The following ADGRL3 variants were observed in gnomAD, a reference collection of about 807,000 sequenced individuals.
ADGRL3 encodes the protein calcium-independent alpha-latrotoxin receptor 3.
In ADGRL3, 62 loss-of-function variants were observed where a neutral mutation model predicts 153.5. That is an observed-to-expected ratio of 0.40 (90% CI 0.33 to 0.50). The LOEUF (loss-of-function observed/expected upper bound fraction) is 0.50, where lower values mean the gene tolerates loss of function less well. Ranked by LOEUF, ADGRL3 falls within the 20% of genes least tolerant of loss-of-function variation. The pLI is 0.47. For synonymous variants in ADGRL3, 710 were observed against 672.5 expected (o/e 1.06, Z -0.86); for missense variants, 1,641 against 1,859.4 (o/e 0.88, Z 2.16).
At chr4:61,256,124 A>C (rs1392966383) in intron 1 of ADGRL3, among the ~76,000 whole-genome samples, 3 of 152,190 alleles carry the variant, frequency 2.0e-5, no homozygotes, top group Non-Finnish European at 4.4e-5. Context: ...TCATTTCTCA[A>C]AACACATTTT....
intron 23 of ADGRL3, 106 bp from the exon 24 acceptor site, chr4:62,037,625 A>G: frequency 8.4e-7 from 1 of 1,184,156 alleles, no homozygotes; most frequent in Admixed American, 1.8e-5. Context: ...CTGTAGGGCA[A>G]GGAAATAATT....
intron 4 of ADGRL3, among the ~76,000 whole-genome samples, chr4:61,546,199 G>A (rs753370449): frequency 5.7e-4 from 86 of 152,088 alleles, no homozygotes; most frequent in South Asian, 1.2e-3. Context: ...ACTCTCTGAC[G>A]GCTTAACTTT....
chr4:61,781,862 T>G (rs1290186167), intron 8 of ADGRL3, among the ~76,000 whole-genome samples: 1 of 152,228 alleles, frequency 6.6e-6, no homozygotes, highest in Non-Finnish European at 1.5e-5. Flanking sequence ...CTAAGTATAC[T>G]GTCTCTGAGA....
intron 1 of ADGRL3, among the ~76,000 whole-genome samples, chr4:61,308,674 G>A (rs1475777987): frequency 6.6e-6 from 1 of 152,104 alleles, no homozygotes; most frequent in Non-Finnish European, 1.5e-5. Flanking sequence ...TAAAAATGGA[G>A]GCTGTTGAAA....
intron 6 of ADGRL3, among the ~76,000 whole-genome samples, chr4:61,694,176 A>ATTTTT (rs2095592928): frequency 3.2e-5 from 3 of 94,702 alleles, no homozygotes; most frequent in African/African-American, 3.7e-5. Context: ...AAATTTTGTC[A>ATTTTT]TTATTTTTTT....
intron 1 of ADGRL3, among the ~76,000 whole-genome samples, chr4:61,360,069 T>C (rs951275372): frequency 6.6e-6 from 1 of 152,178 alleles, no homozygotes; most frequent in Non-Finnish European, 1.5e-5. Flanking sequence ...GCTACACTCC[T>C]ATTAGTGGAG....
intron 13 of ADGRL3, among the ~76,000 whole-genome samples, chr4:61,916,907 C>T (rs1220684272): frequency 2.0e-5 from 3 of 151,712 alleles, no homozygotes; most frequent in East Asian, 1.9e-4. Flanking sequence ...GAGCTGAGAT[C>T]GCACCACTGC....
Position 61,746,993 on chromosome 4 carries a change from C to A in ADGRL3, c.1399+13439C>A, listed in dbSNP as rs115702848. ...AATAAAGAAGAAAAGAGAGAATGAT[C>A]AAATAGATGCAATAAAAAATGATAA... On this transcript the variant is annotated intron_variant, in intron 8 of 26. Transcript: ENST00000683033. Among the ~76,000 whole-genome samples, 1,436 of 152,018 alleles carry A rather than the reference C, an allele frequency of 9.4e-3. 31 individuals are homozygous for A. Among genetic ancestry groups the A allele is most frequent in the African/African-American group, 0.033 (1,360 of 41,484 alleles).
At chr4:61,765,325 A>T (rs1400195552) in intron 8 of ADGRL3, among the ~76,000 whole-genome samples, 1 of 152,140 alleles carries the variant, frequency 6.6e-6, no homozygotes, top group Non-Finnish European at 1.5e-5. Context: ...AGCCTAATAA[A>T]AAGGAGCGTC....
At position 61,392,684 on chromosome 4, in the gene ADGRL3, C is replaced by CAAAAAAAAAAAAAAAA. The variant is rs397993633; in HGVS notation, c.-174+9502_-174+9517dup. Among the ~76,000 whole-genome samples, 86 of 13,330 alleles carry CAAAAAAAAAAAAAAAA rather than the reference C, an allele frequency of 6.5e-3. 8 individuals carry two copies. Among genetic ancestry groups the CAAAAAAAAAAAAAAAA allele is most frequent in the East Asian group, 7.5e-3 (3 of 400 alleles). 8.7% of individuals were successfully genotyped at this position (13,330 alleles called of 152,430 possible). A position where few individuals can be genotyped will look rare whatever the true frequency, so the allele number is the denominator to read the frequency against. ...CTGGTGACAGAGCGAGACTCCATCTCAAAAAAAAAAAAAAAAAAAAAAGAA... is the reference window on the plus strand; with the variant it reads ...CTGGTGACAGAGCGAGACTCCATCTCAAAAAAAAAAAAAAAAAAAAAAAAAAAAAAAAAAAAAAGAA... On this transcript the variant is annotated intron_variant, in intron 2 of 26. Transcript: ENST00000683033.
intron 1 of ADGRL3, among the ~76,000 whole-genome samples, chr4:61,297,018 T>A (rs1053104210): frequency 6.6e-6 from 1 of 152,088 alleles, no homozygotes; most frequent in East Asian, 1.9e-4. Flanking sequence ...CTTCCCCTAC[T>A]CCAAAGATAC....
chr4:61,966,573 G>GGTGTGTGTGTGTGTGTGT (rs5858746), intron 17 of ADGRL3, among the ~76,000 whole-genome samples: 1 of 145,936 alleles, frequency 6.9e-6, no homozygotes, highest in African/African-American at 2.5e-5. Context: ...TTTCAAAAGG[G>GGTGTGTGTGTGTGTGTGT]GTGTGTGTGT....
At position 61,202,763 on chromosome 4, in the gene ADGRL3, C is replaced by CGT. The variant is rs1394200511; in HGVS notation, c.-240+1008_-240+1009dup. 2.0e-5 allele frequency among the ~76,000 whole-genome samples: 3 copies of CGT among 151,980 alleles called. No homozygotes were observed. Among genetic ancestry groups the CGT allele is most frequent in the South Asian group, 2.1e-4 (1 of 4,816 alleles). On this transcript the variant is annotated intron_variant, in intron 1 of 26. Coordinates refer to ENST00000683033, the MANE Select transcript of ADGRL3 (RefSeq NM_001387552.1). This position sits in a 1 kb window ranked among gnomAD's most constrained non-coding sequence, Gnocchi z 5.0. Reference sequence around the variant, plus strand: ...ATAGGTGGGTGTGTGTGTGTCTGTGCGTGTGTGTGTGGTGTGTAGGGGTGG... The same window carrying CGT: ...ATAGGTGGGTGTGTGTGTGTCTGTGCGTGTGTGTGTGTGGTGTGTAGGGGTGG...
At position 61,200,897 on chromosome 4, in the gene ADGRL3, G is replaced by C. The variant is rs1019691252; in HGVS notation, c.-1108G>C. ...CATCCACCCCACGGGCTCGGGGTTC[G>C]CCGGCCCCCGGGACGCAGCCCTCGG... is the stretch of plus-strand genomic sequence containing the variant. On this transcript the variant is annotated 5_prime_UTR_variant, in exon 1 of 27. Transcript: ENST00000683033. Among the ~76,000 whole-genome samples the C allele has an allele frequency of 6.6e-6, 1 of 151,688 alleles. No homozygotes were observed. Among genetic ancestry groups the C allele is most frequent in the Non-Finnish European group, 1.5e-5 (1 of 67,904 alleles).
intron 1 of ADGRL3, among the ~76,000 whole-genome samples, chr4:61,243,380 C>G (rs1755747722): frequency 6.6e-6 from 1 of 152,014 alleles, no homozygotes; most frequent in South Asian, 2.1e-4. Flanking sequence ...TGAAATTTTA[C>G]ACTTTCTTTT....
At chr4:61,888,989 C>A (rs1451545228) in intron 9 of ADGRL3, among the ~76,000 whole-genome samples, 1 of 152,134 alleles carries the variant, frequency 6.6e-6, no homozygotes, top group East Asian at 1.9e-4. Context: ...ACACTCTTAA[C>A]CACCCCATTT....
intron 1 of ADGRL3, among the ~76,000 whole-genome samples, chr4:61,276,714 G>A (rs1439061502): frequency 6.6e-6 from 1 of 151,846 alleles, no homozygotes; most frequent in Non-Finnish European, 1.5e-5. Context: ...TGCAAGCTGG[G>A]ACTTTAGTAA....
At chr4:61,303,782 C>G (rs1213394449) in intron 1 of ADGRL3, among the ~76,000 whole-genome samples, 1 of 152,098 alleles carries the variant, frequency 6.6e-6, no homozygotes, top group Non-Finnish European at 1.5e-5. Context: ...TACAGACTCT[C>G]TAGTACAGTT....
At chr4:61,608,548 G>T (rs1373778379) in intron 5 of ADGRL3, among the ~76,000 whole-genome samples, 1 of 152,098 alleles carries the variant, frequency 6.6e-6, no homozygotes, top group African/African-American at 2.4e-5. Flanking sequence ...ATGTATTATA[G>T]TTTGTTACTT....
Sources: allele counts gnomAD v4.1 joint callset (sites outside exome capture counted in the v4.1 genomes callset), GRCh38; gene constraint gnomAD v4.1.1; non-coding constraint Gnocchi (gnomAD v3.1); transcripts MANE v1.5; gene names NCBI Gene and HGNC (gene_info 2026-07-23, HGNC 2026-07-21).